STK38: variants seen among roughly 807,000 people sequenced by gnomAD.
The protein encoded by STK38 is serine/threonine-protein kinase 38.
In STK38, 26 loss-of-function variants were observed where a neutral mutation model predicts 59.0. The ratio of observed to expected loss-of-function variants is 0.44; its 90% CI spans 0.32 to 0.61. STK38 has a LOEUF of 0.61. Ranked by LOEUF, STK38 falls within the 20% of genes least tolerant of loss-of-function variation. STK38 has a pLI of 0.04. For synonymous variants in STK38, 175 were observed against 176.6 expected, an observed-to-expected ratio of 0.99 and a Z score of 0.07; for missense variants, 433 against 566.0, an observed-to-expected ratio of 0.76 and a Z score of 2.38.
At chr6:36,522,291 G>C (rs1777395013) in intron 4 of STK38, 1 of 152,834 alleles carries the variant, frequency 6.5e-6, no homozygotes, top group South Asian at 2.1e-4. Flanking sequence ...GCATTATGCT[G>C]ATCAGGTGTC....
intron 2 of STK38, among the ~76,000 whole-genome samples, chr6:36,529,179 C>T (rs912970846): frequency 6.6e-6 from 1 of 152,048 alleles, no homozygotes; most frequent in Non-Finnish European, 1.5e-5. Flanking sequence ...GTGGCATTTG[C>T]ATTATGCAAG....
chr6:36,520,066 A>G (rs1462901714), intron 5 of STK38, among the ~76,000 whole-genome samples: 1 of 152,192 alleles, frequency 6.6e-6, no homozygotes, highest in Admixed American at 6.5e-5. Flanking sequence ...GTCTACTTCC[A>G]TCTTTTATCT....
chr6:36,515,392 T>C lies in STK38; in HGVS notation c.615A>G (p.Gln205=), dbSNP rs772153031. Residue 205 remains glutamine (Q), a synonymous_variant, in exon 7 of 14, where the codon CAA becomes CAG. Coordinates refer to ENST00000229812, the MANE Select transcript of STK38 (RefSeq NM_007271.4). The part of the protein sequence containing the change: ...ETVLAIDSIH[Q]LGFIHRDIKP... ...TGATGTCTCTGTGGATGAATCCAAG[T>C]TGGTGAATAGAGTCTATGGCTAATA... is the stretch of plus-strand genomic sequence containing the variant. 6 of 1,614,092 alleles carry C rather than the reference T, an allele frequency of 3.7e-6. No individual in the cohort carries two copies. In the East Asian group the frequency reaches 6.7e-5, roughly 18 times the overall value.
At chr6:36,519,205 T>TA (rs1777325003) in intron 5 of STK38, among the ~76,000 whole-genome samples, 1 of 152,216 alleles carries the variant, frequency 6.6e-6, no homozygotes, top group Non-Finnish European at 1.5e-5. Flanking sequence ...CATCTGTACT[T>TA]ATGGTATTGG....
At chr6:36,537,034 G>A (rs559739401) in intron 2 of STK38, among the ~76,000 whole-genome samples, 17 of 152,048 alleles carry the variant, frequency 1.1e-4, no homozygotes, top group African/African-American at 3.6e-4. Flanking sequence ...ACATGACAAA[G>A]GTCTGATATG....
intron 2 of STK38, among the ~76,000 whole-genome samples, chr6:36,530,794 A>G (rs1025012984): frequency 2.0e-5 from 3 of 148,262 alleles, no homozygotes; most frequent in Non-Finnish European, 4.4e-5. Flanking sequence ...GGTTCAGGTG[A>G]TTCTTGTGCC....
chr6:36,537,256 G>A (rs1326106797), intron 2 of STK38, among the ~76,000 whole-genome samples: 1 of 152,042 alleles, frequency 6.6e-6, no homozygotes, highest in African/African-American at 2.4e-5. Context: ...CTAAAACACT[G>A]ACAACGCAAA....
intron 2 of STK38, among the ~76,000 whole-genome samples, chr6:36,527,191 CAAAA>C (rs777770396): frequency 6.5e-5 from 3 of 46,028 alleles, no homozygotes; most frequent in Admixed American, 3.2e-4. Context: ...GACTCCGTCT[CAAAA>C]AAAAAAAAAA....
At chr6:36,531,856 T>G (rs1438657391) in intron 2 of STK38, among the ~76,000 whole-genome samples, 1 of 152,224 alleles carries the variant, frequency 6.6e-6, no homozygotes, top group African/African-American at 2.4e-5. Flanking sequence ...TGGACACGTA[T>G]GGCCTTGCAG....
chr6:36,519,482 T>C (rs1346252552), intron 5 of STK38, among the ~76,000 whole-genome samples: 2 of 152,200 alleles, frequency 1.3e-5, no homozygotes, highest in Non-Finnish European at 2.9e-5. Flanking sequence ...GGAGAGGCAC[T>C]ACAATTACCA....
Position 36,521,765 on chromosome 6 carries a change from A to G in STK38, c.359T>C (p.Leu120Pro). ...TTTTTCAAGCATATCTGCTTTACGG[A>G]GTATTTTCATTGCATACACATGTCC... Reference protein sequence around the residue: ...DTGHVYAMKILRKADMLEKEQ... With the variant: ...DTGHVYAMKIPRKADMLEKEQ... The change falls in exon 5 of 14, where the codon CTC (leucine) becomes CCC (proline). Residue 120 changes from leucine to proline, a missense_variant. By Grantham distance (98) the Leu-to-Pro change is moderately conservative. Coordinates refer to ENST00000229812, the MANE Select transcript of STK38 (RefSeq NM_007271.4). 6.2e-7 allele frequency: 1 copy of G among 1,612,030 alleles called. No individual in the cohort carries two copies. Among genetic ancestry groups the G allele is most frequent in the Non-Finnish European group, 8.5e-7 (1 of 1,179,592 alleles).
Position 36,506,590 on chromosome 6 carries a change from C to T in STK38, c.827G>A (p.Arg276His), listed in dbSNP as rs766073970. ...RKAETWKRNRRQLAFSTVGTP... is the reference protein window; with the variant it reads ...RKAETWKRNRHQLAFSTVGTP... ...GCCACAGATATTACTTACTAGCTGA[C>T]GTCTATTTCTTTTCCAGGTTTCTGC... Residue 276 changes from arginine to histidine, a missense_variant, in exon 9 of 14, where the codon CGT (arginine) becomes CAT (histidine). Arg to His is a conservative substitution (Grantham distance 29). Coordinates refer to ENST00000229812, the MANE Select transcript of STK38 (RefSeq NM_007271.4). 1.9e-6 allele frequency: 3 copies of T among 1,613,254 alleles called. No individual in the cohort carries two copies. Among genetic ancestry groups the T allele is most frequent in the Admixed American group, 3.3e-5 (2 of 59,912 alleles).
intron 5 of STK38, among the ~76,000 whole-genome samples, chr6:36,520,476 T>A (rs1777352517): frequency 1.3e-5 from 2 of 152,238 alleles, no homozygotes; most frequent in South Asian, 4.1e-4. Flanking sequence ...AAAAGAGGTC[T>A]TAAGCCTTGG....
intron 13 of STK38, 36 bp from the exon 14 acceptor site, chr6:36,495,950 C>A (rs878993173): frequency 6.2e-7 from 1 of 1,612,244 alleles, no homozygotes; most frequent in South Asian, 1.1e-5. Flanking sequence ...TGATTCACTG[C>A]CTTGCCTCCA....
intron 9 of STK38, 99 bp from the exon 10 acceptor site, chr6:36,500,089 C>G (rs754328066): frequency 6.6e-5 from 59 of 887,824 alleles, no homozygotes; most frequent in Admixed American, 1.8e-5. Context: ...CAGAAGCTAC[C>G]CCCAAGCTAA....
At chr6:36,517,964 A>C in intron 5 of STK38, 124 bp from the exon 6 acceptor site, 1 of 1,276,052 alleles carries the variant, frequency 7.8e-7, no homozygotes. Context: ...GATGATATAA[A>C]AGATCCAATT....
At chr6:36,541,391 GA>G (rs201291789) in intron 1 of STK38, among the ~76,000 whole-genome samples, 1,550 of 151,962 alleles carry the variant, frequency 0.01, 33 homozygotes, top group African/African-American at 0.036. Flanking sequence ...ACAACATAGT[GA>G]GACCTAAAAA....
At chr6:36,515,552 ACAC>A (rs761318196) in intron 6 of STK38, 60 bp from the exon 7 acceptor site, 115 of 1,572,760 alleles carry the variant, frequency 7.3e-5, no homozygotes, top group Admixed American at 4.1e-4. Context: ...ACACACACAC[ACAC>A]AACATACGAG....
At chr6:36,527,564 A>AAT (rs1777562634) in intron 2 of STK38, among the ~76,000 whole-genome samples, 1 of 151,746 alleles carries the variant, frequency 6.6e-6, no homozygotes, top group African/African-American at 2.4e-5. Context: ...AAGAAAAAAA[A>AAT]AACCTTCAGA....
Sources: gnomAD v4.1 joint callset for allele counts (sites outside exome capture counted in the v4.1 genomes callset) on GRCh38, gnomAD v4.1.1 for gene constraint, MANE v1.5 for transcripts, NCBI Gene and HGNC (gene_info 2026-07-23, HGNC 2026-07-21) for gene names.